Variants in DOK5 observed in about 807,000 individuals in gnomAD.
DOK5 encodes the protein downstream of tyrosine kinase 5.
DOK5 carries 27 observed loss-of-function variants against 43.3 expected under a neutral mutation model. The observed-to-expected ratio is 0.62, with a 90% CI of 0.46 to 0.86. DOK5 has a LOEUF of 0.86. Among genes scored for constraint, DOK5 ranks in the 40% least tolerant of loss-of-function variants. The pLI, the probability that DOK5 is intolerant of heterozygous loss-of-function variation, is 0.00. For missense variants in DOK5, 373 were observed against 392.9 expected (o/e 0.95, Z 0.43); for synonymous variants, 146 against 140.1 (o/e 1.04, Z -0.30).
chr20:54,482,525 T>A (rs764170761), intron 1 of DOK5, among the ~76,000 whole-genome samples: 1 of 152,216 alleles, frequency 6.6e-6, no homozygotes, highest in Non-Finnish European at 1.5e-5. Flanking sequence ...AGATGGAGTC[T>A]CGCTCTGCTG....
chr20:54,634,845 C>T (rs1454210664), intron 6 of DOK5, among the ~76,000 whole-genome samples: 58 of 151,562 alleles, frequency 3.8e-4, no homozygotes, highest in Admixed American at 3.5e-3. Context: ...TCAAACTGTA[C>T]AATTTAATGG....
At chr20:54,633,978 G>C (rs895784762) in intron 6 of DOK5, among the ~76,000 whole-genome samples, 1 of 152,218 alleles carries the variant, frequency 6.6e-6, no homozygotes, top group African/African-American at 2.4e-5. Flanking sequence ...ACAATATGGT[G>C]CAGTATTGAG....
At chr20:54,627,958 A>C (rs1177262533) in intron 6 of DOK5, among the ~76,000 whole-genome samples, 5 of 152,214 alleles carry the variant, frequency 3.3e-5, no homozygotes, top group Non-Finnish European at 7.3e-5. Context: ...GGAGCTACAG[A>C]AATCATAGCA....
chr20:54,508,035 C>G (rs1982875470), intron 1 of DOK5, among the ~76,000 whole-genome samples: 1 of 152,126 alleles, frequency 6.6e-6, no homozygotes, highest in African/African-American at 2.4e-5. Context: ...AGAAATACAT[C>G]CAGTCTAGCT....
chr20:54,570,419 A>T (rs957311524), intron 2 of DOK5, among the ~76,000 whole-genome samples: 1 of 152,186 alleles, frequency 6.6e-6, no homozygotes, highest in Admixed American at 6.5e-5. Flanking sequence ...TAAGAATGAA[A>T]CAATTTGAAG....
intron 1 of DOK5, among the ~76,000 whole-genome samples, chr20:54,530,642 C>T (rs1223191803): frequency 6.6e-6 from 1 of 152,150 alleles, no homozygotes; most frequent in African/African-American, 2.4e-5. Context: ...TTTCTGTAAC[C>T]TCAAGATGGT....
intron 1 of DOK5, among the ~76,000 whole-genome samples, chr20:54,491,190 C>T (rs1449422931): frequency 6.6e-6 from 1 of 152,150 alleles, no homozygotes; most frequent in Admixed American, 6.5e-5. Context: ...CTTGTTTCTT[C>T]TAGTAACCAC....
At position 54,566,695 on chromosome 20, in the gene DOK5, C is replaced by T. The variant is rs116465842; in HGVS notation, c.174+11655C>T. Among the ~76,000 whole-genome samples the T allele has an allele frequency of 4.8e-3, 730 of 152,280 alleles. 6 individuals carry two copies. Among genetic ancestry groups the T allele is most frequent in the African/African-American group, 0.017 (705 of 41,544 alleles). On this transcript the variant is annotated intron_variant, in intron 2 of 7. Coordinates refer to ENST00000262593, the MANE Select transcript of DOK5 (RefSeq NM_018431.5). ...GCAGTGGTATGATTAGGGTTCACTG[C>T]GGCCTTGAAGGCCTGGCCTCAAGAG...
At chr20:54,648,400 T>C (rs1450454853) in intron 7 of DOK5, among the ~76,000 whole-genome samples, 1 of 152,154 alleles carries the variant, frequency 6.6e-6, no homozygotes, top group African/African-American at 2.4e-5. Flanking sequence ...AAAGTTTTTA[T>C]GATAAAGAAA....
chr20:54,533,941 C>G (rs1478942939), intron 1 of DOK5, among the ~76,000 whole-genome samples: 1 of 152,010 alleles, frequency 6.6e-6, no homozygotes. Context: ...TAGACAGCAA[C>G]CATACTATAA....
At chr20:54,597,495 G>GT (rs1986179224) in intron 5 of DOK5, among the ~76,000 whole-genome samples, 1 of 152,142 alleles carries the variant, frequency 6.6e-6, no homozygotes, top group Non-Finnish European at 1.5e-5. Context: ...GAAAGCCTCT[G>GT]TACTAAGAGG....
At chr20:54,508,979 C>T (rs768746513) in intron 1 of DOK5, among the ~76,000 whole-genome samples, 18 of 147,974 alleles carry the variant, frequency 1.2e-4, no homozygotes, top group Admixed American at 4.0e-4. Flanking sequence ...CTGGTTCATG[C>T]GATTCTCCTG....
intron 2 of DOK5, among the ~76,000 whole-genome samples, chr20:54,566,888 A>T (rs1295509329): frequency 2.0e-5 from 3 of 152,052 alleles, no homozygotes; most frequent in Non-Finnish European, 4.4e-5. Context: ...AAGCACTGGG[A>T]TTTATTTTAG....
intron 6 of DOK5, among the ~76,000 whole-genome samples, chr20:54,614,422 AT>A (rs1398810433): frequency 6.6e-6 from 1 of 152,158 alleles, no homozygotes; most frequent in East Asian, 1.9e-4. Flanking sequence ...GCAACATGTC[AT>A]TGTATTAGTG....
intron 6 of DOK5, among the ~76,000 whole-genome samples, chr20:54,615,124 G>A (rs1986765045): frequency 6.6e-6 from 1 of 152,202 alleles, no homozygotes; most frequent in African/African-American, 2.4e-5. Context: ...ATTCCCAAGA[G>A]TGTGTCTACA....
At chr20:54,532,422 A>G (rs1248072062) in intron 1 of DOK5, among the ~76,000 whole-genome samples, 1 of 152,232 alleles carries the variant, frequency 6.6e-6, no homozygotes, top group Non-Finnish European at 1.5e-5. Flanking sequence ...AACATGATAC[A>G]TAAAAGATAA....
Position 54,513,240 on chromosome 20 carries a change from A to G in DOK5, c.66+37228A>G, listed in dbSNP as rs182676437. Among the ~76,000 whole-genome samples the G allele has an allele frequency of 2.6e-5, 4 of 152,244 alleles. No homozygotes were observed. In the East Asian group the frequency reaches 7.7e-4, roughly 29 times the overall value. On this transcript the variant is annotated intron_variant, in intron 1 of 7. Coordinates refer to ENST00000262593, the MANE Select transcript of DOK5 (RefSeq NM_018431.5). ...AAGACATAGTAATTAGTTTTCTGTT[A>G]CATTCAGCTGAATGCAATTCCTAAT...
intron 1 of DOK5, among the ~76,000 whole-genome samples, chr20:54,529,543 A>T (rs1237560772): frequency 2.2e-5 from 2 of 91,510 alleles, no homozygotes; most frequent in African/African-American, 1.1e-4. Context: ...GGGTGACTTT[A>T]AAAAAAAAAA....
intron 1 of DOK5, among the ~76,000 whole-genome samples, chr20:54,538,447 A>C (rs539808092): frequency 3.9e-5 from 6 of 152,312 alleles, no homozygotes; most frequent in Non-Finnish European, 8.8e-5. Context: ...TCACCAGCAG[A>C]TCTACCTTAA....
Sources: allele counts gnomAD v4.1 joint callset (sites outside exome capture counted in the v4.1 genomes callset), GRCh38; gene constraint gnomAD v4.1.1; transcripts MANE v1.5; gene names NCBI Gene and HGNC (gene_info 2026-07-23, HGNC 2026-07-21).